Variants in SAMMSON observed in about 807,000 individuals in gnomAD.
SAMMSON encodes survival associated mitochondrial melanoma specific oncogenic non-coding RNA, also known as long intergenic non-protein coding RNA 1212.
chr3:70,280,250 T>C (rs2106680866), intron 6 of SAMMSON, among the ~76,000 whole-genome samples: 1 of 152,268 alleles, frequency 6.6e-6, no homozygotes, highest in South Asian at 2.1e-4. Flanking sequence ...AAAAGATGTT[T>C]GTGATTAAAT....
intron 7 of SAMMSON, among the ~76,000 whole-genome samples, chr3:70,299,032 C>A (rs1009658327): frequency 6.6e-6 from 1 of 152,072 alleles, no homozygotes; most frequent in Non-Finnish European, 1.5e-5. Flanking sequence ...GTGAGGATCT[C>A]ACGTGGTGCT....
intron 6 of SAMMSON, among the ~76,000 whole-genome samples, chr3:70,268,014 C>T (rs1701936887): frequency 6.6e-6 from 1 of 150,962 alleles, no homozygotes; most frequent in Admixed American, 6.6e-5. Flanking sequence ...CTCCTCCCCT[C>T]CTTCTCTTCC....
At chr3:70,341,905 A>G (rs1388961827) in intron 7 of SAMMSON, among the ~76,000 whole-genome samples, 1 of 152,232 alleles carries the variant, frequency 6.6e-6, no homozygotes, top group Admixed American at 6.5e-5. Context: ...ACAATAGATC[A>G]GTAATATGTA....
chr3:70,286,914 T>C (rs565827802), intron 6 of SAMMSON, among the ~76,000 whole-genome samples: 11 of 151,942 alleles, frequency 7.2e-5, no homozygotes, highest in Admixed American at 7.2e-4. Flanking sequence ...TTTTGTATCC[T>C]GAGACTTTGC....
At chr3:70,150,747 G>A (rs2067568024) in intron 4 of SAMMSON, among the ~76,000 whole-genome samples, 1 of 152,050 alleles carries the variant, frequency 6.6e-6, no homozygotes, top group Non-Finnish European at 1.5e-5. Flanking sequence ...TAGCTTCAGT[G>A]ATGAGGATGC....
chr3:70,130,002 A>G (rs1055490404), intron 4 of SAMMSON, among the ~76,000 whole-genome samples: 9 of 152,190 alleles, frequency 5.9e-5, no homozygotes, highest in Non-Finnish European at 8.8e-5. Flanking sequence ...CTTTGTGTGT[A>G]TGTGGTAAGA....
intron 4 of SAMMSON, chr3:70,197,086 C>T: frequency 2.5e-6 from 1 of 398,566 alleles, no homozygotes; most frequent in Non-Finnish European, 4.4e-6. Flanking sequence ...AGAGGGGCAG[C>T]ACATTTTGGT....
chr3:70,300,071 G>A (rs574868182), intron 7 of SAMMSON, among the ~76,000 whole-genome samples: 1 of 152,126 alleles, frequency 6.6e-6, no homozygotes, highest in African/African-American at 2.4e-5. Flanking sequence ...TTATAGCCCA[G>A]CCAAATTCCC....
At chr3:70,347,774 G>A (rs763193984) in intron 7 of SAMMSON, among the ~76,000 whole-genome samples, 4 of 152,144 alleles carry the variant, frequency 2.6e-5, no homozygotes, top group East Asian at 1.9e-4. Flanking sequence ...CGGGAGCAGC[G>A]GCTCACTCCT....
At position 70,250,409 on chromosome 3, in the gene SAMMSON, T is replaced by TCACACACA. The variant is rs1491108341; in HGVS notation, n.674+740_674+741insACACACAC. The stretch of plus-strand genomic sequence containing the variant: ...TATTCGGTATTTTTCTTTTAATGAA[T>TCACACACA]CTCACACACACACACACACACACAC... On this transcript the variant is annotated intron_variant and non_coding_transcript_variant, in intron 6 of 9. Coordinates refer to ENST00000642114, the Ensembl canonical transcript of SAMMSON. 1.7e-3 allele frequency among the ~76,000 whole-genome samples: 213 copies of TCACACACA among 126,342 alleles called. 1 individual carries two copies. The highest frequency in any genetic ancestry group is 2.5e-3 in the Non-Finnish European group (147 of 57,866). 82.9% of individuals were successfully genotyped at this position (126,342 alleles called of 152,430 possible). A position where few individuals can be genotyped will look rare whatever the true frequency, so the allele number is the denominator to read the frequency against.
At chr3:70,357,405 T>A (rs1373633059) in intron 8 of SAMMSON, among the ~76,000 whole-genome samples, 1 of 152,190 alleles carries the variant, frequency 6.6e-6, no homozygotes, top group African/African-American at 2.4e-5. Context: ...TTATCATTTA[T>A]ATTTAGGGTT....
intron 4 of SAMMSON, among the ~76,000 whole-genome samples, chr3:70,186,199 T>C (rs1004023922): frequency 6.6e-6 from 1 of 152,142 alleles, no homozygotes; most frequent in Non-Finnish European, 1.5e-5. Context: ...CAAATGACCA[T>C]ATAGTCATTC....
intron 4 of SAMMSON, among the ~76,000 whole-genome samples, chr3:70,090,215 T>C (rs1015557175): frequency 6.6e-6 from 1 of 152,192 alleles, no homozygotes; most frequent in Non-Finnish European, 1.5e-5. Flanking sequence ...AGAAAAAGTT[T>C]AGATTACCCA....
intron 1 of SAMMSON, among the ~76,000 whole-genome samples, chr3:70,003,870 T>C (rs1453007960): frequency 6.6e-6 from 1 of 152,112 alleles, no homozygotes; most frequent in Non-Finnish European, 1.5e-5. Context: ...TATTTTGGCT[T>C]CATTGGGAAT....
chr3:70,028,165 T>TC (rs2067049742), intron 3 of SAMMSON, among the ~76,000 whole-genome samples: 1 of 146,952 alleles, frequency 6.8e-6, no homozygotes, highest in African/African-American at 2.6e-5. Flanking sequence ...CTTCCTTCCT[T>TC]CCTTCCTTCC....
chr3:70,001,339 T>G (rs905086159), intron 1 of SAMMSON, among the ~76,000 whole-genome samples: 10 of 151,996 alleles, frequency 6.6e-5, no homozygotes, highest in African/African-American at 2.2e-4. Context: ...GCCTCCTGTG[T>G]GTAAGACATA....
chr3:70,038,768 T>G (rs1417964695), intron 3 of SAMMSON, among the ~76,000 whole-genome samples: 1 of 152,142 alleles, frequency 6.6e-6, no homozygotes, highest in Non-Finnish European at 1.5e-5. Context: ...CCTCTATGAA[T>G]CAGAAGAGAC....
At chr3:70,308,132 G>T (rs1026448187) in intron 7 of SAMMSON, among the ~76,000 whole-genome samples, 1 of 152,142 alleles carries the variant, frequency 6.6e-6, no homozygotes, top group East Asian at 1.9e-4. Flanking sequence ...GCTCACTGCA[G>T]CCTCAACCTC....
At chr3:70,373,711 A>G (rs1702988913) in intron 9 of SAMMSON, among the ~76,000 whole-genome samples, 1 of 151,850 alleles carries the variant, frequency 6.6e-6, no homozygotes, top group Admixed American at 6.6e-5. Flanking sequence ...TTCGATTATT[A>G]TTTTCTCTGA....
Sources: gnomAD v4.1 joint callset for allele counts (sites outside exome capture counted in the v4.1 genomes callset) on GRCh38, gnomAD v4.1.1 for gene constraint, MANE v1.5 for transcripts, NCBI Gene and HGNC (gene_info 2026-07-23, HGNC 2026-07-21) for gene names.